Variants in SOX6 observed in about 807,000 individuals in gnomAD.
SOX6 encodes the protein SRY-box transcription factor 6, also known as transcription factor SOX-6.
A neutral mutation model predicts 97.8 loss-of-function variants in SOX6; 11 were observed. The observed-to-expected ratio is 0.11, with a 90% CI of 0.07 to 0.19. SOX6 has a LOEUF of 0.19. SOX6 is among the 10% of genes least tolerant of loss of function. SOX6 has a pLI of 1.00. For synonymous variants in SOX6, 360 were observed against 371.4 expected, an observed-to-expected ratio of 0.97 and a Z score of 0.35; for missense variants, 810 against 1,039.5, an observed-to-expected ratio of 0.78 and a Z score of 3.04.
chr11:16,082,342 A>G (rs1848490495), intron 9 of SOX6, among the ~76,000 whole-genome samples: 1 of 152,208 alleles, frequency 6.6e-6, no homozygotes, highest in Admixed American at 6.5e-5. Flanking sequence ...CTGCCAAGGA[A>G]CATTTTATTA....
chr11:16,679,650 T>G (rs1847911518), intron 3 of SOX6, among the ~76,000 whole-genome samples: 1 of 152,162 alleles, frequency 6.6e-6, no homozygotes, highest in Non-Finnish European at 1.5e-5. Context: ...TCTAGAAGGT[T>G]GGTAATAACA....
intron 4 of SOX6, among the ~76,000 whole-genome samples, chr11:16,503,535 G>A (rs1218641239): frequency 6.6e-6 from 1 of 152,014 alleles, no homozygotes; most frequent in Non-Finnish European, 1.5e-5. Context: ...AGTATATGCT[G>A]TCTACAGGAA....
intron 1 of SOX6, among the ~76,000 whole-genome samples, chr11:16,394,142 C>T (rs1858273321): frequency 6.6e-6 from 1 of 151,834 alleles, no homozygotes; most frequent in Non-Finnish European, 1.5e-5. Context: ...GAGATTGAAA[C>T]TTTTAATTGT....
At chr11:16,656,021 C>G (rs1258805096) in intron 3 of SOX6, among the ~76,000 whole-genome samples, 1 of 151,444 alleles carries the variant, frequency 6.6e-6, no homozygotes, top group Non-Finnish European at 1.5e-5. Flanking sequence ...TTCCAGAATT[C>G]TGAAATGCCA....
At chr11:16,281,966 C>T (rs1240173583) in intron 3 of SOX6, among the ~76,000 whole-genome samples, 1 of 119,516 alleles carries the variant, frequency 8.4e-6, no homozygotes, top group Non-Finnish European at 1.7e-5. Flanking sequence ...TATAAAATCA[C>T]ATATATATAA....
chr11:16,529,486 G>A (rs1225589769), intron 4 of SOX6, among the ~76,000 whole-genome samples: 3 of 152,110 alleles, frequency 2.0e-5, no homozygotes, highest in African/African-American at 7.2e-5. Context: ...CCAGGCATGA[G>A]AAGAAAACTG....
intron 4 of SOX6, among the ~76,000 whole-genome samples, chr11:16,570,255 T>G (rs779207023): frequency 1.3e-5 from 2 of 152,170 alleles, no homozygotes; most frequent in Non-Finnish European, 2.9e-5. Flanking sequence ...CAGAGATGCA[T>G]GGTAATTATT....
chr11:16,003,539 G>A (rs1353037632), intron 13 of SOX6, among the ~76,000 whole-genome samples: 3 of 152,012 alleles, frequency 2.0e-5, no homozygotes, highest in African/African-American at 7.2e-5. Context: ...AGTGGTGACT[G>A]CATTGTGTCT....
chr11:16,019,755 T>C (rs184243591), intron 12 of SOX6, among the ~76,000 whole-genome samples: 1 of 152,250 alleles, frequency 6.6e-6, no homozygotes, highest in East Asian at 1.9e-4. Flanking sequence ...ATCTTTCAAA[T>C]GTGGAATGAT....
intron 4 of SOX6, chr11:16,484,380 T>C (rs1242543238): frequency 2.5e-6 from 2 of 797,932 alleles, no homozygotes; most frequent in African/African-American, 1.7e-5. Flanking sequence ...TTCATGTCAC[T>C]AAGCGTCTTC....
intron 4 of SOX6, among the ~76,000 whole-genome samples, chr11:16,217,592 T>A (rs1852411226): frequency 6.6e-6 from 1 of 152,188 alleles, no homozygotes; most frequent in African/African-American, 2.4e-5. Flanking sequence ...CACACTCCTA[T>A]AAGTAACCAT....
At chr11:16,490,544 A>G (rs1860495445) in intron 4 of SOX6, among the ~76,000 whole-genome samples, 1 of 151,986 alleles carries the variant, frequency 6.6e-6, no homozygotes, top group Non-Finnish European at 1.5e-5. Flanking sequence ...GCACTAACCA[A>G]AAGAAAACTA....
intron 4 of SOX6, among the ~76,000 whole-genome samples, chr11:16,510,924 G>A (rs1366707961): frequency 6.6e-6 from 1 of 151,928 alleles, no homozygotes; most frequent in African/African-American, 2.4e-5. Flanking sequence ...GCTAACTGAA[G>A]GCAAATATAA....
intron 6 of SOX6, among the ~76,000 whole-genome samples, chr11:16,127,971 C>A (rs184808535): frequency 1.4e-4 from 21 of 152,252 alleles, no homozygotes; most frequent in African/African-American, 5.1e-4. Context: ...AATAAACAAA[C>A]CTTACTGTTA....
intron 1 of SOX6, among the ~76,000 whole-genome samples, chr11:16,409,289 CAA>C (rs60016649): frequency 3.4e-4 from 49 of 143,218 alleles, no homozygotes; most frequent in South Asian, 4.4e-4. Context: ...AACCCCCCTC[CAA>C]AAAAAAAAAA....
At chr11:16,410,047 T>C (rs1220928193) in intron 1 of SOX6, among the ~76,000 whole-genome samples, 1 of 152,092 alleles carries the variant, frequency 6.6e-6, no homozygotes, top group Non-Finnish European at 1.5e-5. Context: ...GGTTAAAGGG[T>C]ACAAAGTTGC....
intron 4 of SOX6, among the ~76,000 whole-genome samples, chr11:16,570,709 T>C (rs11023991): frequency 0.17 from 26,069 of 152,170 alleles, 2,764 homozygotes; most frequent in East Asian, 0.32. Flanking sequence ...CTTCATCATA[T>C]GAAAAAGATC....
intron 3 of SOX6, among the ~76,000 whole-genome samples, chr11:16,707,282 T>C (rs1372724557): frequency 6.6e-6 from 1 of 151,802 alleles, no homozygotes; most frequent in African/African-American, 2.4e-5. Context: ...CTTAGTACAC[T>C]ATGCAAATCA....
intron 6 of SOX6, among the ~76,000 whole-genome samples, chr11:16,145,952 A>G (rs1396702640): frequency 3.9e-5 from 6 of 152,154 alleles, no homozygotes; most frequent in Non-Finnish European, 8.8e-5. Context: ...ATTCAATGCC[A>G]CTCCCATCAA....
Sources: allele counts gnomAD v4.1 joint callset (sites outside exome capture counted in the v4.1 genomes callset), GRCh38; gene constraint gnomAD v4.1.1; transcripts MANE v1.5; gene names NCBI Gene and HGNC (gene_info 2026-07-23, HGNC 2026-07-21).